The following TENM3 variants were observed in gnomAD, a reference collection of about 807,000 sequenced individuals.
TENM3 encodes teneurin-3.
In TENM3, 63 loss-of-function variants were observed where a neutral mutation model predicts 255.1. The ratio of observed to expected loss-of-function variants is 0.25; its 90% CI spans 0.20 to 0.30. The LOEUF is 0.30. TENM3 is among the 10% of genes least tolerant of loss of function. The pLI is 1.00. For missense variants in TENM3, 2,929 were observed against 3,461.1 expected (o/e 0.85, Z 3.86); for synonymous variants, 1,306 against 1,322.3 (o/e 0.99, Z 0.27).
rs756094676 is a variant in TENM3, at chr4:182,793,236, A to G, written c.6564A>G (p.Gln2188=). The change falls in exon 26 of 28, where the codon CAA becomes CAG. Residue 2188 remains glutamine, a synonymous_variant. Transcript: ENST00000511685. This position sits in a 1 kb window ranked among gnomAD's most constrained non-coding sequence, Gnocchi z 5.7. The part of the protein sequence containing the change: ...RDRITRLGDV[Q]YRLDEDGFLR... ...GAATCACTCGACTGGGTGATGTTCA[A>G]TATCGGTTGGATGAAGATGGTTTCC... 3 of 1,613,942 alleles carry G rather than the reference A, an allele frequency of 1.9e-6. No individual in the cohort carries two copies. The highest frequency in any genetic ancestry group is 1.1e-5 in the South Asian group (1 of 91,076).
chr4:182,195,340 C>T (rs552181516), intron 1 of TENM3, among the ~76,000 whole-genome samples: 66 of 152,134 alleles, frequency 4.3e-4, no homozygotes, highest in Admixed American at 1.3e-3. Flanking sequence ...TGGAATGCCA[C>T]CTTAAAGCAT....
At chr4:181,456,527 G>T in the TENM3 span, among the ~76,000 whole-genome samples, 1 of 151,958 alleles carries the variant, frequency 6.6e-6, no homozygotes, top group East Asian at 1.9e-4. Flanking sequence ...CAGGAGGCAG[G>T]ACTCTAAGCT....
chr4:182,731,222 G>A, intron 16 of TENM3, 83 bp downstream of exon 16: 4 of 1,433,700 alleles, frequency 2.8e-6, no homozygotes, highest in Non-Finnish European at 3.8e-6. Context: ...ATAGGTTATA[G>A]AGTCCGGGCA....
chr4:182,216,839 G>T (rs73871821), intron 1 of TENM3, among the ~76,000 whole-genome samples: 1 of 151,978 alleles, frequency 6.6e-6, no homozygotes, highest in African/African-American at 2.4e-5. Flanking sequence ...TCCTGAAAAC[G>T]ATTCAGGTGT....
chr4:182,069,281 A>G, the TENM3 span, among the ~76,000 whole-genome samples: 2 of 152,230 alleles, frequency 1.3e-5, no homozygotes, highest in African/African-American at 4.8e-5. Context: ...TTCTGGCATT[A>G]AAATATCAGC....
the TENM3 span, among the ~76,000 whole-genome samples, chr4:181,548,385 A>G: frequency 1.8e-4 from 27 of 152,246 alleles, no homozygotes; most frequent in Admixed American, 3.3e-4. Context: ...AGCACTATTC[A>G]CAATGGCAAA....
At chr4:182,525,886 C>T (rs1481095180) in intron 3 of TENM3, among the ~76,000 whole-genome samples, 1 of 152,244 alleles carries the variant, frequency 6.6e-6, no homozygotes, top group Non-Finnish European at 1.5e-5. Flanking sequence ...CAGGAAAACA[C>T]TGAACAACTC....
the TENM3 span, among the ~76,000 whole-genome samples, chr4:181,557,323 C>T: frequency 2.9e-3 from 437 of 152,252 alleles, 2 homozygotes; most frequent in African/African-American, 0.01. Flanking sequence ...GCATAGCCAC[C>T]TAGGCCAATT....
chr4:181,479,376 A>G, the TENM3 span, among the ~76,000 whole-genome samples: 15 of 152,312 alleles, frequency 9.8e-5, no homozygotes, highest in African/African-American at 3.6e-4. Context: ...TTACCTATAC[A>G]TAGCATGGCT....
the TENM3 span, among the ~76,000 whole-genome samples, chr4:181,981,354 G>T: frequency 1.3e-5 from 2 of 152,068 alleles, no homozygotes; most frequent in Admixed American, 1.3e-4. Flanking sequence ...GTCCTGTTAG[G>T]TTCAGAGGAG....
At chr4:181,825,918 T>C in the TENM3 span, among the ~76,000 whole-genome samples, 1 of 152,174 alleles carries the variant, frequency 6.6e-6, no homozygotes, top group African/African-American at 2.4e-5. Flanking sequence ...ATCTGCATCG[T>C]CACATTTCTT....
At chr4:181,493,398 A>T in the TENM3 span, among the ~76,000 whole-genome samples, 2 of 152,120 alleles carry the variant, frequency 1.3e-5, no homozygotes, top group African/African-American at 4.8e-5. Flanking sequence ...CTTTTTGACA[A>T]ATAAGATTTT....
chr4:182,657,919 G>A (rs1279617202), intron 6 of TENM3, among the ~76,000 whole-genome samples: 2 of 152,212 alleles, frequency 1.3e-5, no homozygotes, highest in African/African-American at 2.4e-5. Flanking sequence ...GCCTCCCAAA[G>A]TGCTAGGATT....
At chr4:182,244,806 G>C (rs1266408062) in intron 1 of TENM3, among the ~76,000 whole-genome samples, 1 of 152,194 alleles carries the variant, frequency 6.6e-6, no homozygotes, top group African/African-American at 2.4e-5. Flanking sequence ...CTGAGAGTTT[G>C]CAAATATCAC....
intron 3 of TENM3, among the ~76,000 whole-genome samples, chr4:182,547,515 G>A (rs975204856): frequency 6.6e-6 from 1 of 151,726 alleles, no homozygotes; most frequent in Non-Finnish European, 1.5e-5. Context: ...TCTTCATCTG[G>A]TCCATCAGTT....
chr4:182,435,675 T>C (rs1425499263), intron 3 of TENM3, among the ~76,000 whole-genome samples: 1 of 152,052 alleles, frequency 6.6e-6, no homozygotes, highest in African/African-American at 2.4e-5. Flanking sequence ...TGTGAGAAAA[T>C]AGGAAATTGA....
At chr4:182,499,550 A>T (rs952898615) in intron 3 of TENM3, among the ~76,000 whole-genome samples, 1 of 152,188 alleles carries the variant, frequency 6.6e-6, no homozygotes, top group African/African-American at 2.4e-5. Context: ...ACTGAGAAAG[A>T]GAAACCCTTC....
At chr4:182,407,969 G>T (rs1236125988) in intron 3 of TENM3, among the ~76,000 whole-genome samples, 1 of 152,160 alleles carries the variant, frequency 6.6e-6, no homozygotes, top group Non-Finnish European at 1.5e-5. Flanking sequence ...GAGATTTTAT[G>T]TTTATTCCAA....
At chr4:182,776,102 G>T (rs1425046716) in intron 24 of TENM3, among the ~76,000 whole-genome samples, 2 of 152,086 alleles carry the variant, frequency 1.3e-5, no homozygotes, top group East Asian at 3.9e-4. Flanking sequence ...AGAATCAAAT[G>T]AGATAATGTG....
Sources: gnomAD v4.1 joint callset for allele counts (sites outside exome capture counted in the v4.1 genomes callset) on GRCh38, gnomAD v4.1.1 for gene constraint, Gnocchi (gnomAD v3.1) non-coding constraint, MANE v1.5 for transcripts, NCBI Gene and HGNC (gene_info 2026-07-23, HGNC 2026-07-21) for gene names.